Variants in CNTN3 observed in about 807,000 individuals in gnomAD.
CNTN3 encodes the protein contactin-3.
Under a neutral mutation model 119.1 loss-of-function variants are expected in CNTN3, and 60 were observed. The ratio of observed to expected loss-of-function variants is 0.50; its 90% CI spans 0.41 to 0.62. The LOEUF is 0.62. Among genes scored for constraint, CNTN3 ranks in the 20% least tolerant of loss-of-function variants. The probability of loss-of-function intolerance (pLI) is 0.00; values close to 1 mark genes in which losing one functional copy is unlikely to be tolerated. For synonymous variants in CNTN3, 450 were observed against 438.7 expected (o/e 1.03, Z -0.32); for missense variants, 1,101 against 1,242.4 (o/e 0.89, Z 1.71).
chr3:74,471,155 T>C (rs1171793656), intron 4 of CNTN3, among the ~76,000 whole-genome samples: 1 of 151,952 alleles, frequency 6.6e-6, no homozygotes, highest in Non-Finnish European at 1.5e-5. Flanking sequence ...TGGGATTACA[T>C]GGACACAGGG....
At chr3:74,392,727 A>C (rs1405558515) in intron 5 of CNTN3, among the ~76,000 whole-genome samples, 2 of 152,214 alleles carry the variant, frequency 1.3e-5, no homozygotes, top group Admixed American at 1.3e-4. Context: ...GTGCTACAAA[A>C]AGAGTATTAA....
rs1350870526 is a variant in CNTN3 at position 74,301,503 on chromosome 3, C to T, written c.1990G>A (p.Glu664Lys). 2 of 1,614,004 alleles carry T rather than the reference C, an allele frequency of 1.2e-6. No individual in the cohort carries two copies. The highest frequency in any genetic ancestry group is 1.7e-6 in the Non-Finnish European group (2 of 1,179,992). ...DGKTHTATVV[E>K]LNPWVEYEFR... Reference sequence around the variant, plus strand: ...TCATATTCCACCCATGGGTTTAACTCAACTACAGTGGCTGTGTGCGTCTTC... The same window carrying T: ...TCATATTCCACCCATGGGTTTAACTTAACTACAGTGGCTGTGTGCGTCTTC... Residue 664 changes from glutamate to lysine, a missense_variant, in exon 16 of 23, where the codon GAG becomes AAG. Glu to Lys is a moderately conservative substitution (Grantham distance 56). Transcript: ENST00000263665.
At chr3:74,487,087 A>G (rs1394987446) in intron 3 of CNTN3, among the ~76,000 whole-genome samples, 1 of 152,158 alleles carries the variant, frequency 6.6e-6, no homozygotes, top group African/African-American at 2.4e-5. Flanking sequence ...ATCCATTTCA[A>G]TTTGTCTGGG....
At chr3:74,567,534 G>T (rs1430533446) in intron 1 of CNTN3, among the ~76,000 whole-genome samples, 11 of 151,942 alleles carry the variant, frequency 7.2e-5, no homozygotes, top group Non-Finnish European at 1.6e-4. Flanking sequence ...AGTTCCTGCT[G>T]TGTGATACAT....
chr3:74,343,673 A>C (rs927585868), intron 11 of CNTN3, among the ~76,000 whole-genome samples: 23 of 152,354 alleles, frequency 1.5e-4, no homozygotes, highest in African/African-American at 5.0e-4. Flanking sequence ...AGGGCTATGA[A>C]TCACGGTGTC....
At chr3:74,588,896 T>G (rs889002686) in intron 1 of CNTN3, among the ~76,000 whole-genome samples, 2 of 152,170 alleles carry the variant, frequency 1.3e-5, no homozygotes, top group African/African-American at 2.4e-5. Context: ...GAAAACTGGC[T>G]AGCCATATGT....
intron 1 of CNTN3, among the ~76,000 whole-genome samples, chr3:74,576,964 T>A (rs1704427692): frequency 6.6e-6 from 1 of 152,116 alleles, no homozygotes; most frequent in African/African-American, 2.4e-5. Flanking sequence ...ACCTTGGCCT[T>A]CTAAGGAGAG....
intron 5 of CNTN3, among the ~76,000 whole-genome samples, chr3:74,376,120 C>G (rs768635752): frequency 3.9e-5 from 6 of 152,148 alleles, no homozygotes; most frequent in Non-Finnish European, 7.4e-5. Context: ...AATGGATTCT[C>G]CCCTGGAGCC....
intron 2 of CNTN3, among the ~76,000 whole-genome samples, chr3:74,515,434 A>T (rs1256878309): frequency 6.6e-6 from 1 of 151,988 alleles, no homozygotes; most frequent in Admixed American, 6.6e-5. Context: ...AACTCATATC[A>T]TTATTGGCAA....
chr3:74,414,817 T>C (rs2106876999), intron 5 of CNTN3, among the ~76,000 whole-genome samples: 1 of 151,832 alleles, frequency 6.6e-6, no homozygotes, highest in African/African-American at 2.4e-5. Context: ...CAATGTTTTA[T>C]TGCCCCCACT....
intron 18 of CNTN3, among the ~76,000 whole-genome samples, chr3:74,295,974 T>C (rs1702330113): frequency 6.6e-6 from 1 of 152,052 alleles, no homozygotes; most frequent in African/African-American, 2.4e-5. Context: ...TTTTCTCTCC[T>C]GAGAATTTGA....
chr3:74,480,111 A>G (rs1372034195), intron 4 of CNTN3, among the ~76,000 whole-genome samples: 1 of 152,104 alleles, frequency 6.6e-6, no homozygotes, highest in African/African-American at 2.4e-5. Flanking sequence ...ATAAAATCCT[A>G]TAATAACATG....
chr3:74,383,508 CAG>C (rs1704674126), intron 5 of CNTN3, among the ~76,000 whole-genome samples: 1 of 152,038 alleles, frequency 6.6e-6, no homozygotes, highest in South Asian at 2.1e-4. Context: ...TTTTTTGAGA[CAG>C]GGTCTCACTC....
rs1425048451 is a variant in CNTN3 at position 74,502,937 on chromosome 3, A to G, written c.56-3152T>C. 3.9e-5 allele frequency among the ~76,000 whole-genome samples: 6 copies of G among 152,308 alleles called. No homozygotes were observed. In the East Asian group the frequency reaches 1.2e-3, roughly 29 times the overall value. ...TTGCTGTATACTCAGCTCTTAGAAC[A>G]CAGTAGATATTCAATATCTGTCTGT... On this transcript the variant is annotated intron_variant, in intron 2 of 22. Coordinates refer to ENST00000263665, the MANE Select transcript of CNTN3 (RefSeq NM_020872.3).
At chr3:74,521,771 TTC>T (rs1320120571) in intron 1 of CNTN3, among the ~76,000 whole-genome samples, 2 of 151,844 alleles carry the variant, frequency 1.3e-5, no homozygotes. Flanking sequence ...TGAAACCATT[TTC>T]TTTTTTGCTT....
chr3:74,567,649 T>C (rs1704248398), intron 1 of CNTN3, among the ~76,000 whole-genome samples: 2 of 152,072 alleles, frequency 1.3e-5, no homozygotes, highest in African/African-American at 4.8e-5. Flanking sequence ...AGGGACCTTT[T>C]TGAATCTTGA....
chr3:74,327,106 C>CT (rs869114498), intron 13 of CNTN3, among the ~76,000 whole-genome samples: 4 of 80,186 alleles, frequency 5.0e-5, no homozygotes, highest in African/African-American at 1.6e-4. Flanking sequence ...AGGGTTAATC[C>CT]TTTTTTTTTT....
intron 1 of CNTN3, among the ~76,000 whole-genome samples, chr3:74,544,263 C>T (rs1703882886): frequency 6.6e-6 from 1 of 152,160 alleles, no homozygotes; most frequent in Non-Finnish European, 1.5e-5. Context: ...AACAATGTAA[C>T]TGAATAGCTC....
At chr3:74,596,934 G>A (rs985388274) in intron 1 of CNTN3, among the ~76,000 whole-genome samples, 4 of 152,074 alleles carry the variant, frequency 2.6e-5, no homozygotes, top group Non-Finnish European at 5.9e-5. Context: ...AACGACCTGG[G>A]AGTAATCCCG....
Sources: allele counts gnomAD v4.1 joint callset (sites outside exome capture counted in the v4.1 genomes callset), GRCh38; gene constraint gnomAD v4.1.1; transcripts MANE v1.5; gene names NCBI Gene and HGNC (gene_info 2026-07-23, HGNC 2026-07-21).